DTWD1: variants seen among roughly 807,000 people sequenced by gnomAD.
DTWD1 encodes the protein tRNA-uridine aminocarboxypropyltransferase 1.
A neutral mutation model predicts 30.2 loss-of-function variants in DTWD1; 27 were observed. That is an observed-to-expected ratio of 0.90 (90% CI 0.66 to 1.23). The LOEUF is 1.23. Among genes scored for constraint, DTWD1 ranks in the 50% most tolerant of loss-of-function variants. DTWD1 has a pLI of 0.00. For missense variants in DTWD1, 342 were observed against 348.8 expected (o/e 0.98, Z 0.15); for synonymous variants, 99 against 113.1 (o/e 0.88, Z 0.79).
At chr15:49,642,751 T>C (rs768718223) in intron 4 of DTWD1, among the ~76,000 whole-genome samples, 11 of 149,818 alleles carry the variant, frequency 7.3e-5, no homozygotes, top group Non-Finnish European at 5.9e-5. Context: ...AGACACTGTC[T>C]CTAAAAAAAA....
chr15:49,636,767 G>C (rs1422531377), intron 4 of DTWD1, among the ~76,000 whole-genome samples: 1 of 152,114 alleles, frequency 6.6e-6, no homozygotes, highest in Non-Finnish European at 1.5e-5. Context: ...CTGATAAATT[G>C]TATGGCTAAC....
chr15:49,641,065 G>A (rs1009168140), intron 4 of DTWD1, among the ~76,000 whole-genome samples: 2 of 151,834 alleles, frequency 1.3e-5, no homozygotes, highest in African/African-American at 2.4e-5. Context: ...TGTTAAATAA[G>A]AAAGACCTCT....
chr15:49,651,592 A>ATATAATACCAT lies in DTWD1; in HGVS notation c.*8016_*8026dup, dbSNP rs986666500. 8.7e-4 allele frequency: 133 copies of ATATAATACCAT among 152,250 alleles called. No individual in the cohort carries two copies. Among genetic ancestry groups the ATATAATACCAT allele is most frequent in the African/African-American group, 3.2e-3 (132 of 41,554 alleles). The allele number at this position is 152,250 out of a possible 1,614,324, so 9.4% of individuals were successfully genotyped here. A position where few individuals can be genotyped will look rare whatever the true frequency, so the allele number is the denominator to read the frequency against. On this transcript the variant is annotated 3_prime_UTR_variant, in exon 5 of 5. Transcript: ENST00000403028. ...CAACACAGACAATACTGCACCCCTG[A>ATATAATACCAT]TATAATACCATTCTTCAATATCAAG...
chr15:49,630,177 A>G (rs1455708341), intron 2 of DTWD1, among the ~76,000 whole-genome samples: 4 of 152,202 alleles, frequency 2.6e-5, no homozygotes, highest in African/African-American at 4.8e-5. Context: ...GAGGAGGGCA[A>G]TTGTTGATGG....
chr15:49,652,556 AG>A lies in DTWD1; in HGVS notation c.*8981del, dbSNP rs2153355016. Reference sequence around the variant, plus strand: ...GCAGCAGAGGTGGTAGCAGAGGCTGAGGGAAATCTAGAATTGATAGTGGAGG... The same window carrying A: ...GCAGCAGAGGTGGTAGCAGAGGCTGAGGAAATCTAGAATTGATAGTGGAGG... On this transcript the variant is annotated 3_prime_UTR_variant, in exon 5 of 5. Transcript: ENST00000403028. The A allele has an allele frequency of 1.5e-5, 2 of 131,884 alleles. No homozygotes were observed. Among genetic ancestry groups the A allele is most frequent in the South Asian group, 4.4e-4 (2 of 4,586 alleles). 8.2% of individuals were successfully genotyped at this position (131,884 alleles called of 1,614,324 possible).
At chr15:49,632,021 T>A (rs753130891) in intron 2 of DTWD1, 138 bp from the exon 3 acceptor site, 33 of 849,660 alleles carry the variant, frequency 3.9e-5, no homozygotes, top group Non-Finnish European at 5.5e-5. Flanking sequence ...TTCTTAATAT[T>A]ATGGTATATC....
intron 3 of DTWD1, among the ~76,000 whole-genome samples, chr15:49,632,961 C>G (rs2078942881): frequency 6.7e-6 from 1 of 150,374 alleles, no homozygotes; most frequent in Non-Finnish European, 1.5e-5. Flanking sequence ...GTTGGTGTGG[C>G]TAGTATAGAA....
At chr15:49,637,481 T>A (rs1255612518) in intron 4 of DTWD1, among the ~76,000 whole-genome samples, 3 of 152,202 alleles carry the variant, frequency 2.0e-5, no homozygotes, top group African/African-American at 7.2e-5. Context: ...TCATTACTTT[T>A]GGGATGTCAT....
Position 49,648,686 on chromosome 15 carries a change from A to G in DTWD1, c.*5108A>G, listed in dbSNP as rs1198781724. On this transcript the variant is annotated 3_prime_UTR_variant, in exon 5 of 5. Transcript: ENST00000403028. ...TATTTTATATGTTATAGTGAATCAT[A>G]TTTATCTCATTATATATTACAGAAT... 6.6e-6 allele frequency: 1 copy of G among 152,162 alleles called. No homozygotes were observed. Among genetic ancestry groups the G allele is most frequent in the Admixed American group, 6.6e-5 (1 of 15,266 alleles). 9.4% of individuals were successfully genotyped at this position (152,162 alleles called of 1,614,324 possible).
At chr15:49,624,882 AG>A (rs1438115142) in intron 1 of DTWD1, among the ~76,000 whole-genome samples, 2 of 152,248 alleles carry the variant, frequency 1.3e-5, no homozygotes, top group Non-Finnish European at 2.9e-5. Context: ...GGAACAAAAA[AG>A]GGTTCTTGAA....
In DTWD1 at chr15:49,648,249, A is replaced by C. The variant is rs2079132568; in HGVS notation, c.*4671A>C. 6.6e-6 allele frequency: 1 copy of C among 152,140 alleles called. No individual in the cohort carries two copies. Among genetic ancestry groups the C allele is most frequent in the Admixed American group, 6.5e-5 (1 of 15,274 alleles). The allele number at this position is 152,140 out of a possible 1,614,324, so 9.4% of individuals were successfully genotyped here. A position where few individuals can be genotyped will look rare whatever the true frequency, so the allele number is the denominator to read the frequency against. ...ATACACTGCATATCATCATCATGACATTGAGTTTCTAGCTGGATTGCAGAG... is the reference window on the plus strand; with the variant it reads ...ATACACTGCATATCATCATCATGACCTTGAGTTTCTAGCTGGATTGCAGAG... On this transcript the variant is annotated 3_prime_UTR_variant, in exon 5 of 5. Transcript: ENST00000403028.
intron 3 of DTWD1, chr15:49,633,690 T>G (rs1321960279): frequency 4.5e-6 from 1 of 221,458 alleles, no homozygotes; most frequent in Non-Finnish European, 9.3e-6. Context: ...ATCTTTTTAT[T>G]TTAAAAATTT....
chr15:49,639,548 C>CA (rs2079041554), intron 4 of DTWD1, among the ~76,000 whole-genome samples: 2 of 152,182 alleles, frequency 1.3e-5, no homozygotes, highest in South Asian at 4.1e-4. Context: ...GACAACAGAG[C>CA]AAAATCCCAC....
intron 2 of DTWD1, chr15:49,626,894 G>A (rs183744546): frequency 7.9e-5 from 25 of 316,364 alleles, no homozygotes; most frequent in Admixed American, 7.8e-4. Flanking sequence ...GAACTTGAGG[G>A]TAATAATTAT....
intron 2 of DTWD1, among the ~76,000 whole-genome samples, chr15:49,625,686 A>C (rs2078833728): frequency 6.6e-6 from 1 of 152,184 alleles, no homozygotes; most frequent in African/African-American, 2.4e-5. Context: ...ACCCTAATGC[A>C]GTTCCTGTCC....
intron 2 of DTWD1, chr15:49,629,446 G>T (rs1186154438): frequency 6.6e-6 from 1 of 152,156 alleles, no homozygotes; most frequent in Non-Finnish European, 1.5e-5. Context: ...TAGCTGATCA[G>T]AAATATTGAT....
chr15:49,632,382 C>T, intron 3 of DTWD1, 80 bp downstream of exon 3: 2 of 1,326,224 alleles, frequency 1.5e-6, no homozygotes, highest in African/African-American at 1.5e-5. Context: ...TGAACTTACT[C>T]AAACATAATT....
intron 2 of DTWD1, among the ~76,000 whole-genome samples, chr15:49,628,599 C>G (rs948195492): frequency 2.0e-5 from 3 of 152,140 alleles, no homozygotes; most frequent in African/African-American, 7.2e-5. Flanking sequence ...TGGGAAAATG[C>G]TTAGGTCTCC....
Position 49,633,049 on chromosome 15 carries a change from CTA to C in DTWD1, c.408+767_408+768del, listed in dbSNP as rs1555588610. On this transcript the variant is annotated intron_variant, in intron 3 of 4. Coordinates refer to ENST00000403028, the MANE Select transcript of DTWD1 (RefSeq NM_001144955.2). ...TTTACTTTCCTATTTATATCTATAT[CTA>C]TATATATATATATATATATGTATTT... 2.7e-3 allele frequency among the ~76,000 whole-genome samples: 316 copies of C among 117,320 alleles called. 1 individual carries two copies. The highest frequency in any genetic ancestry group is 8.0e-3 in the East Asian group (37 of 4,604). The allele number at this position is 117,320 out of a possible 152,430, so 77.0% of individuals were successfully genotyped here.
Sources: allele counts gnomAD v4.1 joint callset (sites outside exome capture counted in the v4.1 genomes callset), GRCh38; gene constraint gnomAD v4.1.1; transcripts MANE v1.5; gene names NCBI Gene and HGNC (gene_info 2026-07-23, HGNC 2026-07-21).